DNAAF1: variants seen among roughly 807,000 people sequenced by gnomAD.
DNAAF1 encodes the protein dynein assembly factor 1, axonemal.
A neutral mutation model predicts 71.1 loss-of-function variants in DNAAF1; 65 were observed. That is an observed-to-expected ratio of 0.91 (90% CI 0.75 to 1.12). The LOEUF (loss-of-function observed/expected upper bound fraction) is 1.12, where lower values mean the gene tolerates loss of function less well. Ranked by LOEUF, DNAAF1 falls within the 50% of genes most tolerant of loss-of-function variation. DNAAF1 has a pLI of 0.00. For missense variants in DNAAF1, 1,178 were observed against 899.8 expected (o/e 1.31, Z -3.96); for synonymous variants, 414 against 354.6 (o/e 1.17, Z -1.88).
intron 11 of DNAAF1, chr16:84,177,156 T>C (rs562944646): frequency 5.5e-6 from 1 of 181,136 alleles, no homozygotes; most frequent in Non-Finnish European, 1.2e-5. Flanking sequence ...CCTGAGTGCA[T>C]TTCCCGGGAA....
rs139474174 is a variant in DNAAF1 at position 84,171,320 on chromosome 16, T to C, written c.1529-940T>C. Among the ~76,000 whole-genome samples the C allele has an allele frequency of 3.9e-3, 589 of 152,112 alleles. 4 individuals carry two copies. The highest frequency in any genetic ancestry group is 0.014 in the African/African-American group (567 of 41,488). ...AAAACAATAAATTAGCTGGGCATAG[T>C]GGTGACCACTTGTAGTCCCAGCTAC... On this transcript the variant is annotated intron_variant, in intron 8 of 11. Coordinates refer to ENST00000378553, the MANE Select transcript of DNAAF1 (RefSeq NM_178452.6).
Position 84,177,844 on chromosome 16 carries a change from T to C in DNAAF1, c.*3T>C, listed in dbSNP as rs1342730756. 22 of 1,611,444 alleles carry C rather than the reference T, an allele frequency of 1.4e-5. No individual in the cohort carries two copies. The highest frequency in any genetic ancestry group is 1.6e-5 in the Non-Finnish European group (19 of 1,177,704). ...TCCCAGCACCGAAAGCATCATAGTT[T>C]TCCCCAGTTATATGTAGCATAAATG... On this transcript the variant is annotated 3_prime_UTR_variant, in exon 12 of 12. Coordinates refer to ENST00000378553, the MANE Select transcript of DNAAF1 (RefSeq NM_178452.6).
At chr16:84,154,857 G>A (rs2087336819) in intron 4 of DNAAF1, 59 bp downstream of exon 4, 5 of 1,384,958 alleles carry the variant, frequency 3.6e-6, no homozygotes, top group Non-Finnish European at 5.1e-6. Flanking sequence ...CTTCCCCTGA[G>A]GGATGTTCTA....
rs781295907 is a variant in DNAAF1 at position 84,170,020 on chromosome 16, G to C, written c.1192G>C (p.Glu398Gln). The C allele has an allele frequency of 3.1e-6, 5 of 1,613,884 alleles. No homozygotes were observed. Among genetic ancestry groups the C allele is most frequent in the Admixed American group, 1.7e-5 (1 of 60,024 alleles). Residue 398 changes from glutamate (E) to glutamine (Q), a missense_variant, in exon 8 of 12, where the codon GAG (glutamate) becomes CAG (glutamine). By Grantham distance (29) the Glu-to-Gln change is conservative. Coordinates refer to ENST00000378553, the MANE Select transcript of DNAAF1 (RefSeq NM_178452.6). ...ELCPEKPSGEEPPVEAKREDG... is the reference protein window; with the variant it reads ...ELCPEKPSGEQPPVEAKREDG... The stretch of plus-strand genomic sequence containing the variant: ...CTGCCCGGAAAAGCCAAGTGGAGAG[G>C]AGCCGCCTGTGGAGGCTAAAAGAGA...
chr16:84,155,691 C>T lies in DNAAF1; in HGVS notation c.683C>T (p.Ser228Leu), dbSNP rs775622753. The T allele has an allele frequency of 8.1e-6, 13 of 1,613,984 alleles. No individual in the cohort carries two copies. The highest frequency in any genetic ancestry group is 5.3e-5 in the African/African-American group (4 of 74,870). ...TTGAGGCTTTGTGTCCTTGACCTTT[C>T]GCACAACAAGCTGAGTGACCCGGAG... is the stretch of plus-strand genomic sequence containing the variant. ...ECLRLCVLDL[S>L]HNKLSDPEIL... Residue 228 changes from serine to leucine, a missense_variant, in exon 5 of 12, where the codon TCG becomes TTG. Physicochemically the swap from Ser to Leu is moderately radical, Grantham distance 145. Coordinates refer to ENST00000378553, the MANE Select transcript of DNAAF1 (RefSeq NM_178452.6).
At chr16:84,150,375 AG>A in intron 3 of DNAAF1, 33 bp downstream of exon 3, 1 of 1,491,074 alleles carries the variant, frequency 6.7e-7, no homozygotes, top group Admixed American at 1.7e-5. Context: ...GCTTCACGTC[AG>A]GTGGAAAGAT....
At chr16:84,155,222 G>C (rs118137527) in intron 4 of DNAAF1, among the ~76,000 whole-genome samples, 2,100 of 150,642 alleles carry the variant, frequency 0.014, 28 homozygotes, top group East Asian at 0.055. Flanking sequence ...AGTGTTTTTG[G>C]TTTTGTTTTG....
At chr16:84,170,879 A>G (rs2088296245) in intron 8 of DNAAF1, among the ~76,000 whole-genome samples, 1 of 152,224 alleles carries the variant, frequency 6.6e-6, no homozygotes. Context: ...AAAGTAAAAA[A>G]ACAGTAAAAC....
Position 84,156,851 on chromosome 16 carries a change from C to CTTTTT in DNAAF1, c.741+1117_741+1121dup, listed in dbSNP as rs778916785. Among the ~76,000 whole-genome samples the CTTTTT allele has an allele frequency of 4.0e-3, 447 of 111,788 alleles. 4 individuals are homozygous for CTTTTT. Among genetic ancestry groups the CTTTTT allele is most frequent in the African/African-American group, 8.5e-3 (235 of 27,758 alleles). 73.3% of individuals were successfully genotyped at this position (111,788 alleles called of 152,430 possible). On this transcript the variant is annotated intron_variant, in intron 5 of 11. Coordinates refer to ENST00000378553, the MANE Select transcript of DNAAF1 (RefSeq NM_178452.6). ...TTCCTTTCCTTTTCTTTCTTTCTTTCTTTTTTTTTTTTTTTTTTTGAGACA... is the reference window on the plus strand; with the variant it reads ...TTCCTTTCCTTTTCTTTCTTTCTTTCTTTTTTTTTTTTTTTTTTTTTTTTGAGACA...
chr16:84,170,017 G>C lies in DNAAF1; in HGVS notation c.1189G>C (p.Glu397Gln). ...DELCPEKPSG[E>Q]EPPVEAKRED... ...GCTCTGCCCGGAAAAGCCAAGTGGA[G>C]AGGAGCCGCCTGTGGAGGCTAAAAG... The change falls in exon 8 of 12, where the codon GAG becomes CAG. Residue 397 changes from glutamate to glutamine, a missense_variant. Glu to Gln is a conservative substitution (Grantham distance 29). Transcript: ENST00000378553. 6.2e-7 allele frequency: 1 copy of C among 1,613,864 alleles called. No individual in the cohort carries two copies. Among genetic ancestry groups the C allele is most frequent in the East Asian group, 2.2e-5 (1 of 44,878 alleles).
At chr16:84,177,158 T>TC in intron 11 of DNAAF1, 1 of 181,790 alleles carries the variant, frequency 5.5e-6, no homozygotes, top group Non-Finnish European at 1.2e-5. Flanking sequence ...TGAGTGCATT[T>TC]CCCGGGAACA....
At position 84,165,792 on chromosome 16, in the gene DNAAF1, G is replaced by A. The variant is rs149704838; in HGVS notation, c.873G>A (p.Ala291=). The change falls in exon 7 of 12, where the codon GCG becomes GCA. Residue 291 remains alanine, a synonymous_variant. Coordinates refer to ENST00000378553, the MANE Select transcript of DNAAF1 (RefSeq NM_178452.6). ...RPVFPKDRAC[A]EAWARGGYAA... ...TTTGTTTTTTAAACAGAGCTTGTGC[G>A]GAGGCCTGGGCTAGGGGAGGGTACG... is the stretch of plus-strand genomic sequence containing the variant. 79 of 1,613,622 alleles carry A rather than the reference G, an allele frequency of 4.9e-5. 1 individual carries two copies. The highest frequency in any genetic ancestry group is 3.3e-4 in the Admixed American group (20 of 59,932).
intron 6 of DNAAF1, among the ~76,000 whole-genome samples, chr16:84,164,078 T>G (rs1223192316): frequency 6.6e-6 from 1 of 152,210 alleles, no homozygotes; most frequent in Non-Finnish European, 1.5e-5. Context: ...GTGCTGAGAT[T>G]ACAGGCATGA....
intron 9 of DNAAF1, 175 bp from the exon 10 acceptor site, chr16:84,174,494 G>A: frequency 2.7e-6 from 4 of 1,502,998 alleles, no homozygotes; most frequent in Non-Finnish European, 3.6e-6. Flanking sequence ...GGCAACGCTT[G>A]CTTTGTGTGT....
rs2087394001 is a variant in DNAAF1 at position 84,155,711 on chromosome 16, C to T, written c.703C>T (p.Pro235Ser). The T allele has an allele frequency of 1.2e-6, 2 of 1,614,056 alleles. No individual in the cohort carries two copies. The highest frequency in any genetic ancestry group is 1.7e-6 in the Non-Finnish European group (2 of 1,180,028). ...CCTTTCGCACAACAAGCTGAGTGAC[C>T]CGGAGATCCTGAGCATTCTGGAAAG... Reference protein sequence around the residue: ...LDLSHNKLSDPEILSILESMP... With the variant: ...LDLSHNKLSDSEILSILESMP... Residue 235 changes from proline (P) to serine (S), a missense_variant, in exon 5 of 12, where the codon CCG (proline) becomes TCG (serine). Physicochemically the swap from Pro to Ser is moderately conservative, Grantham distance 74. Coordinates refer to ENST00000378553, the MANE Select transcript of DNAAF1 (RefSeq NM_178452.6).
intron 6 of DNAAF1, among the ~76,000 whole-genome samples, chr16:84,164,285 T>A (rs1325004756): frequency 2.6e-5 from 4 of 152,182 alleles, no homozygotes; most frequent in Non-Finnish European, 5.9e-5. Context: ...AAGTCCATCA[T>A]TTCTTTAGGG....
intron 4 of DNAAF1, among the ~76,000 whole-genome samples, chr16:84,155,345 C>T (rs1313516465): frequency 6.6e-6 from 1 of 152,176 alleles, no homozygotes. Context: ...CCTCCCACGT[C>T]AGCCTCCCAG....
intron 6 of DNAAF1, among the ~76,000 whole-genome samples, chr16:84,163,873 T>TGGC (rs1555523655): frequency 6.7e-6 from 1 of 149,362 alleles, no homozygotes; most frequent in Admixed American, 6.6e-5. Context: ...TTTTTTTTTT[T>TGGC]GTGGGGGACA....
In DNAAF1 at chr16:84,155,868, A is replaced by G. The variant is rs571876220; in HGVS notation, c.741+119A>G. The G allele has an allele frequency of 3.2e-4, 422 of 1,312,726 alleles. 4 individuals carry two copies. In the South Asian group the frequency reaches 5.0e-3, roughly 15 times the overall value. The allele number at this position is 1,312,726 out of a possible 1,614,324, so 81.3% of individuals were successfully genotyped here. ...TTCCTGCCTTCCTTCCCTTTTTCAC[A>G]CTTTTTTCCTCTTTGTGTTTTTAGC... is the stretch of plus-strand genomic sequence containing the variant. On this transcript the variant is annotated intron_variant, in intron 5 of 11. Coordinates refer to ENST00000378553, the MANE Select transcript of DNAAF1 (RefSeq NM_178452.6).
Sources: gnomAD v4.1 joint callset for allele counts (sites outside exome capture counted in the v4.1 genomes callset) on GRCh38, gnomAD v4.1.1 for gene constraint, MANE v1.5 for transcripts, NCBI Gene and HGNC (gene_info 2026-07-23, HGNC 2026-07-21) for gene names.